MYEF2: variants seen among roughly 807,000 people sequenced by gnomAD.
The protein encoded by MYEF2 is myelin gene expression factor 2.
Under a neutral mutation model 75.2 loss-of-function variants are expected in MYEF2, and 37 were observed. That is an observed-to-expected ratio of 0.49 (90% CI 0.38 to 0.65). The LOEUF is 0.65. Ranked by LOEUF, MYEF2 falls within the 30% of genes least tolerant of loss-of-function variation. MYEF2 has a pLI of 0.00. For missense variants in MYEF2, 634 were observed against 771.4 expected (o/e 0.82, Z 2.11); for synonymous variants, 195 against 241.6 (o/e 0.81, Z 1.79).
At chr15:48,153,717 A>G in intron 10 of MYEF2, 75 bp downstream of exon 10, 1 of 1,182,800 alleles carries the variant, frequency 8.5e-7, no homozygotes, top group Non-Finnish European at 1.2e-6. Context: ...ACATTATTAC[A>G]GACCACATCA....
At chr15:48,154,534 G>C (rs1469022237) in intron 9 of MYEF2, among the ~76,000 whole-genome samples, 12 of 152,068 alleles carry the variant, frequency 7.9e-5, no homozygotes, top group Admixed American at 7.2e-4. Context: ...GCACAGGAAG[G>C]ACAGATTACT....
Position 48,138,839 on chromosome 15 carries a change from C to A in MYEF2, c.*4069G>T. ...CACCAGCAATATCAGTAATGAGGTA[C>A]TCAAATGTTTTAAACAGCCTTTTAA... On this transcript the variant is annotated 3_prime_UTR_variant, in exon 17 of 17. Coordinates refer to ENST00000324324, the MANE Select transcript of MYEF2 (RefSeq NM_016132.5). 3 of 671,548 alleles carry A rather than the reference C, an allele frequency of 4.5e-6. No homozygotes were observed. The highest frequency in any genetic ancestry group is 5.4e-5 in the East Asian group (2 of 36,704). The allele number at this position is 671,548 out of a possible 1,614,324, so 41.6% of individuals were successfully genotyped here. A position where few individuals can be genotyped will look rare whatever the true frequency, so the allele number is the denominator to read the frequency against.
intron 16 of MYEF2, among the ~76,000 whole-genome samples, chr15:48,143,895 G>A (rs2140794948): frequency 6.6e-6 from 1 of 152,146 alleles, no homozygotes; most frequent in East Asian, 1.9e-4. Context: ...GAACACTTTT[G>A]AGAGTAAAAG....
chr15:48,137,105 C>A lies in MYEF2; in HGVS notation c.*5803G>T. On this transcript the variant is annotated 3_prime_UTR_variant, in exon 17 of 17. Coordinates refer to ENST00000324324, the MANE Select transcript of MYEF2 (RefSeq NM_016132.5). The stretch of plus-strand genomic sequence containing the variant: ...GAAATGATAAAGACCAAGTCCCTAC[C>A]TTTAAGGAACTTCCAATATCACAGG... 2.6e-6 allele frequency: 2 copies of A among 770,710 alleles called. No individual in the cohort carries two copies. The highest frequency in any genetic ancestry group is 2.7e-5 in the East Asian group (1 of 37,234). The allele number at this position is 770,710 out of a possible 1,614,324, so 47.7% of individuals were successfully genotyped here.
At chr15:48,174,181 T>C (rs2040434510) in intron 1 of MYEF2, among the ~76,000 whole-genome samples, 1 of 151,660 alleles carries the variant, frequency 6.6e-6, no homozygotes, top group Non-Finnish European at 1.5e-5. Flanking sequence ...CAAAAACACA[T>C]CCCCAATATA....
chr15:48,173,850 AT>A (rs1030292872), intron 1 of MYEF2, among the ~76,000 whole-genome samples: 32 of 152,162 alleles, frequency 2.1e-4, no homozygotes, highest in Non-Finnish European at 4.1e-4. Context: ...GAAATTGAAA[AT>A]AATACAAATG....
intron 5 of MYEF2, among the ~76,000 whole-genome samples, chr15:48,160,988 T>G (rs761842250): frequency 6.6e-6 from 1 of 152,088 alleles, no homozygotes; most frequent in Non-Finnish European, 1.5e-5. Context: ...GGACAGTGGC[T>G]ACCTATGGGG....
Position 48,151,540 on chromosome 15 carries a change from C to T in MYEF2, c.1239G>A (p.Met413Ile). The T allele has an allele frequency of 6.2e-7, 1 of 1,612,870 alleles. No homozygotes were observed. The highest frequency in any genetic ancestry group is 8.5e-7 in the Non-Finnish European group (1 of 1,179,266). ...ELYRGAMTSS[M>I]ERDFGRGDIG... is the part of the protein sequence containing the mutation. ...TATCACCACGTCCAAAATCTCGCTC[C>T]ATGCTACTAGTCATCGCACCACGGT... The change falls in exon 13 of 17, where the codon ATG becomes ATA. Residue 413 changes from methionine (M) to isoleucine (I), a missense_variant. Met to Ile is a conservative substitution (Grantham distance 10). Transcript: ENST00000324324.
chr15:48,153,901 A>G lies in MYEF2; in HGVS notation c.986-8T>C. Reference sequence around the variant, plus strand: ...CAATGCCTCCAAGACCACCTAAAACAAAAATGAGAACAATCATTACAAAGA... The same window carrying G: ...CAATGCCTCCAAGACCACCTAAAACGAAAATGAGAACAATCATTACAAAGA... On this transcript the variant is annotated splice_polypyrimidine_tract_variant and splice_region_variant and intron_variant, in intron 9 of 16. Transcript: ENST00000324324. 7.5e-6 allele frequency: 12 copies of G among 1,607,262 alleles called. No individual in the cohort carries two copies. The highest frequency in any genetic ancestry group is 6.6e-5 in the South Asian group (6 of 90,384).
intron 16 of MYEF2, among the ~76,000 whole-genome samples, chr15:48,145,273 T>C (rs535351657): frequency 1.3e-5 from 2 of 151,992 alleles, no homozygotes; most frequent in South Asian, 4.1e-4. Context: ...ATGTTCTAAG[T>C]TTCTTCCTGA....
At position 48,137,129 on chromosome 15, in the gene MYEF2, G is replaced by A; in HGVS notation, c.*5779C>T. On this transcript the variant is annotated 3_prime_UTR_variant, in exon 17 of 17. Coordinates refer to ENST00000324324, the MANE Select transcript of MYEF2 (RefSeq NM_016132.5). ...CCTTTAAGGAACTTCCAATATCACA[G>A]GAAATACAAAATAGCTAAAGTATGA... 1 of 639,320 alleles carries A rather than the reference G, an allele frequency of 1.6e-6. No individual in the cohort carries two copies. Among genetic ancestry groups the A allele is most frequent in the Non-Finnish European group, 2.5e-6 (1 of 393,352 alleles). The allele number at this position is 639,320 out of a possible 1,614,324, so 39.6% of individuals were successfully genotyped here.
chr15:48,146,428 T>C (rs1023931370), intron 16 of MYEF2, among the ~76,000 whole-genome samples: 5 of 152,064 alleles, frequency 3.3e-5, no homozygotes, highest in East Asian at 3.9e-4. Context: ...TATTCACTTA[T>C]TTCTCATCTT....
Position 48,141,100 on chromosome 15 carries a change from C to T in MYEF2, c.*1808G>A. 6.3e-7 allele frequency: 1 copy of T among 1,589,760 alleles called. No individual in the cohort carries two copies. The highest frequency in any genetic ancestry group is 8.6e-7 in the Non-Finnish European group (1 of 1,160,542). On this transcript the variant is annotated 3_prime_UTR_variant, in exon 17 of 17. Transcript: ENST00000324324. ...CTTTAAGATTTGTAACTTGAAATAT[C>T]TGTTTATTACAGGGGAAACACTAGA... is the stretch of plus-strand genomic sequence containing the variant.
Position 48,143,701 on chromosome 15 carries a change from C to T in MYEF2, c.1640-630G>A, listed in dbSNP as rs1266757120. ...GGGAAGAGATAGCACAGATTTAAATCAATAAAGGTAAAAACAGTGATGTCA... is the reference window on the plus strand; with the variant it reads ...GGGAAGAGATAGCACAGATTTAAATTAATAAAGGTAAAAACAGTGATGTCA... On this transcript the variant is annotated intron_variant, in intron 16 of 16. Transcript: ENST00000324324. Among the ~76,000 whole-genome samples the T allele has an allele frequency of 4.6e-5, 7 of 151,844 alleles. 1 individual carries two copies. The highest frequency in any genetic ancestry group is 2.6e-4 in the Admixed American group (4 of 15,228).
At position 48,149,063 on chromosome 15, in the gene MYEF2, CCAAGT is replaced by C; in HGVS notation, c.1603_1607del (p.Thr535AlafsTer34). On this transcript the variant is annotated frameshift_variant, in exon 16 of 17. Transcript: ENST00000324324. LOFTEE classifies it high-confidence loss of function. This position sits in a 1 kb window ranked among gnomAD's most constrained non-coding sequence, Gnocchi z 4.0. ...GACTGAATTTCTCTTTTAGTTTCTG[CCAAGT>C]CAAGTCAAAAGGTAGCTAGAATGAA... is the stretch of plus-strand genomic sequence containing the variant. 1 of 1,612,942 alleles carries C rather than the reference CCAAGT, an allele frequency of 6.2e-7. No individual in the cohort carries two copies. The highest frequency in any genetic ancestry group is 8.5e-7 in the Non-Finnish European group (1 of 1,179,242).
intron 5 of MYEF2, among the ~76,000 whole-genome samples, chr15:48,160,111 G>C (rs533067415): frequency 6.6e-6 from 1 of 152,040 alleles, no homozygotes. Context: ...ACTCAAAGAA[G>C]AGCGAAGTAC....
intron 9 of MYEF2, chr15:48,157,048 T>C (rs1409717900): frequency 6.6e-6 from 1 of 152,148 alleles, no homozygotes; most frequent in Non-Finnish European, 1.5e-5. Flanking sequence ...ATGATAACTA[T>C]ATGAGTAATT....
Position 48,143,009 on chromosome 15 carries a change from T to C in MYEF2, c.1702A>G (p.Arg568Gly). 6.2e-7 allele frequency: 1 copy of C among 1,603,618 alleles called. No homozygotes were observed. Among genetic ancestry groups the C allele is most frequent in the Non-Finnish European group, 8.5e-7 (1 of 1,175,702 alleles). The change falls in exon 17 of 17, where the codon AGA (arginine) becomes GGA (glycine). Residue 568 changes from arginine (R) to glycine (G), a missense_variant. Physicochemically the swap from Arg to Gly is moderately radical, Grantham distance 125. Transcript: ENST00000324324. The stretch of plus-strand genomic sequence containing the variant: ...TCAGCTGATTCTGGGGAGTCAAATC[T>C]GACTGTTCCACAGCCTTTTGACTTT... Reference protein sequence around the residue: ...NGKSKGCGTVRFDSPESAEKA... With the variant: ...NGKSKGCGTVGFDSPESAEKA...
At chr15:48,171,549 A>G (rs2040342882) in intron 1 of MYEF2, among the ~76,000 whole-genome samples, 1 of 151,986 alleles carries the variant, frequency 6.6e-6, no homozygotes, top group East Asian at 1.9e-4. Flanking sequence ...ATACTGCTAA[A>G]CTGCTCATCT....
Sources: allele counts gnomAD v4.1 joint callset (sites outside exome capture counted in the v4.1 genomes callset), GRCh38; gene constraint gnomAD v4.1.1; non-coding constraint Gnocchi (gnomAD v3.1); transcripts MANE v1.5; gene names NCBI Gene and HGNC (gene_info 2026-07-23, HGNC 2026-07-21).